The following PHLDB1 variants were observed in gnomAD, a reference collection of about 807,000 sequenced individuals.
The protein encoded by PHLDB1 is pleckstrin homology like domain family B member 1.
PHLDB1 carries 65 observed loss-of-function variants against 139.3 expected under a neutral mutation model. That is an observed-to-expected ratio of 0.47 (90% CI 0.38 to 0.57). PHLDB1 has a LOEUF of 0.57. Ranked by LOEUF, PHLDB1 falls within the 20% of genes least tolerant of loss-of-function variation. The probability of loss-of-function intolerance (pLI) is 0.00; values close to 1 mark genes in which losing one functional copy is unlikely to be tolerated. For synonymous variants in PHLDB1, 679 were observed against 734.5 expected (o/e 0.92, Z 1.22); for missense variants, 1,624 against 1,839.7 (o/e 0.88, Z 2.14).
chr11:118,627,287 C>G lies in PHLDB1; in HGVS notation c.482-18C>G. 6.2e-7 allele frequency: 1 copy of G among 1,612,074 alleles called. No individual in the cohort carries two copies. Among genetic ancestry groups the G allele is most frequent in the Non-Finnish European group, 8.5e-7 (1 of 1,179,460 alleles). On this transcript the variant is annotated intron_variant, in intron 5 of 22. Transcript: ENST00000600882. The stretch of plus-strand genomic sequence containing the variant: ...TATGCAGCTCCCTAAAGTCAAAGAC[C>G]TTTGCATTTCCCTCCAGCAGAATCA...
chr11:118,624,798 C>T (rs761203746), intron 4 of PHLDB1, 136 bp from the exon 5 acceptor site: 105 of 779,638 alleles, frequency 1.3e-4, no homozygotes, highest in Middle Eastern at 3.1e-4. Flanking sequence ...TTAGTAGAGA[C>T]GGGACTTCAC....
intron 15 of PHLDB1, chr11:118,644,805 C>T (rs1947202187): frequency 3.3e-6 from 2 of 612,296 alleles, no homozygotes; most frequent in Non-Finnish European, 5.0e-6. Context: ...CCAGGCTGAG[C>T]TGGGTTGGGG....
chr11:118,609,624 G>A (rs1939778665), intron 1 of PHLDB1, among the ~76,000 whole-genome samples: 1 of 152,128 alleles, frequency 6.6e-6, no homozygotes, highest in African/African-American at 2.4e-5. Flanking sequence ...CAGCTGCCAG[G>A]CTCGGAACGG....
At chr11:118,626,444 C>T (rs1284062915) in intron 5 of PHLDB1, among the ~76,000 whole-genome samples, 1 of 151,940 alleles carries the variant, frequency 6.6e-6, no homozygotes, top group African/African-American at 2.4e-5. Context: ...AGTGCAGTGG[C>T]GCGATCTCGG....
In PHLDB1 at chr11:118,616,190, CA is replaced by C; in HGVS notation, c.335del (p.Gln112ArgfsTer30). ...CACTATTGATGGGCTCCCTGTCCGG[CA>C]GCCTACCCGGCTCACTCAGGGTAAG... ...ACTIDGLPVRQPTRLTQGCML... is the reference protein window; with the variant it reads ...ACTIDGLPVRXPTRLTQGCML... On this transcript the variant is annotated frameshift_variant, in exon 4 of 23. Coordinates refer to ENST00000600882, the MANE Select transcript of PHLDB1 (RefSeq NM_001144758.3). LOFTEE classifies it high-confidence loss of function. 1 of 1,614,004 alleles carries C rather than the reference CA, an allele frequency of 6.2e-7. No individual in the cohort carries two copies. Among genetic ancestry groups the C allele is most frequent in the South Asian group, 1.1e-5 (1 of 91,076 alleles).
At position 118,614,428 on chromosome 11, in the gene PHLDB1, T is replaced by C. The variant is rs957569252; in HGVS notation, c.61-131T>C. 57 of 886,246 alleles carry C rather than the reference T, an allele frequency of 6.4e-5. No homozygotes were observed. In the East Asian group the frequency reaches 1.4e-3, roughly 22 times the overall value. 54.9% of individuals were successfully genotyped at this position (886,246 alleles called of 1,614,324 possible). ...GAATCATGCTCTGTGTAAGATTTTG[T>C]GCTAAGCCTTTCAGCACCCTCAGAG... On this transcript the variant is annotated intron_variant, in intron 2 of 22. Coordinates refer to ENST00000600882, the MANE Select transcript of PHLDB1 (RefSeq NM_001144758.3).
chr11:118,609,030 CCAGT>C (rs1179818192), intron 1 of PHLDB1, among the ~76,000 whole-genome samples: 19 of 145,736 alleles, frequency 1.3e-4, no homozygotes, highest in Admixed American at 2.7e-4. Context: ...CACACACACC[CCAGT>C]CAAACACGAG....
intron 6 of PHLDB1, chr11:118,630,048 CCA>C: frequency 9.0e-7 from 1 of 1,108,338 alleles, no homozygotes; most frequent in African/African-American, 2.0e-5. Flanking sequence ...TTTTTTTTTG[CCA>C]TGGAACTGGG....
intron 1 of PHLDB1, among the ~76,000 whole-genome samples, chr11:118,609,871 C>T (rs1939828596): frequency 6.6e-6 from 1 of 152,136 alleles, no homozygotes; most frequent in Admixed American, 6.5e-5. Flanking sequence ...CGGAGAGGCA[C>T]CTTTCCACCA....
At position 118,627,680 on chromosome 11, in the gene PHLDB1, C is replaced by T; in HGVS notation, c.857C>T (p.Pro286Leu). The part of the protein sequence containing the change: ...EPGPSVPPLV[P>L]ARSSSYHLAL... ...GGACCTTCTGTGCCCCCGCTGGTAC[C>T]TGCCCGTTCCTCCAGCTACCATCTG... Residue 286 changes from proline (P) to leucine (L), a missense_variant, in exon 6 of 23, where the codon CCT (proline) becomes CTT (leucine). Transcript: ENST00000600882. 6.2e-7 allele frequency: 1 copy of T among 1,610,896 alleles called. No homozygotes were observed. Among genetic ancestry groups the T allele is most frequent in the South Asian group, 1.1e-5 (1 of 91,088 alleles).
At position 118,614,540 on chromosome 11, in the gene PHLDB1, C is replaced by T; in HGVS notation, c.61-19C>T. ...TGCTGAATCTAATGATGCTTGTCCT[C>T]CACCCGTACTACCTACAGAAAGGAC... On this transcript the variant is annotated intron_variant, in intron 2 of 22. Coordinates refer to ENST00000600882, the MANE Select transcript of PHLDB1 (RefSeq NM_001144758.3). 1.2e-6 allele frequency: 2 copies of T among 1,613,120 alleles called. No individual in the cohort carries two copies. Among genetic ancestry groups the T allele is most frequent in the Non-Finnish European group, 1.7e-6 (2 of 1,179,474 alleles).
intron 9 of PHLDB1, chr11:118,634,987 T>C (rs782668115): frequency 8.6e-6 from 4 of 463,438 alleles, no homozygotes. Flanking sequence ...TACGCCGAGC[T>C]CCAGACGCAG....
At chr11:118,639,519 T>G in intron 12 of PHLDB1, 7 of 445,730 alleles carry the variant, frequency 1.6e-5, no homozygotes, top group Admixed American at 3.4e-5. Flanking sequence ...CTCAGGGGCC[T>G]GGGTTGGGTG....
intron 9 of PHLDB1, chr11:118,634,767 T>C (rs1945336466): frequency 1.3e-5 from 3 of 235,112 alleles, no homozygotes; most frequent in Non-Finnish European, 1.8e-5. Flanking sequence ...CTAGCCTTTT[T>C]TTCTCCTCTC....
At chr11:118,626,281 A>G (rs1160303549) in intron 5 of PHLDB1, among the ~76,000 whole-genome samples, 49 of 150,176 alleles carry the variant, frequency 3.3e-4, no homozygotes, top group Admixed American at 3.0e-3. Flanking sequence ...TGGTTCCTAC[A>G]TTGGGAGGCC....
chr11:118,639,103 C>T, intron 11 of PHLDB1, 59 bp from the exon 12 acceptor site: 1 of 1,563,234 alleles, frequency 6.4e-7, no homozygotes, highest in Non-Finnish European at 8.8e-7. Flanking sequence ...GCACAGGGCC[C>T]CCCTCACACA....
Position 118,635,520 on chromosome 11 carries a change from A to G in PHLDB1, c.2507A>G (p.Glu836Gly), listed in dbSNP as rs1405823143. 3 of 1,592,766 alleles carry G rather than the reference A, an allele frequency of 1.9e-6. No individual in the cohort carries two copies. The highest frequency in any genetic ancestry group is 4.5e-5 in the East Asian group (2 of 44,148). Residue 836 changes from glutamate (E) to glycine (G), a missense_variant, in exon 10 of 23, where the codon GAG becomes GGG. Physicochemically the swap from Glu to Gly is moderately conservative, Grantham distance 98. Transcript: ENST00000600882. ...AGQGLLRSKA[E>G]LLRSIAKRKE... Reference sequence around the variant, plus strand: ...CAGGGGCTGCTCCGGAGCAAGGCTGAGCTGCTCCGCAGCATCGCCAAGAGG... The same window carrying G: ...CAGGGGCTGCTCCGGAGCAAGGCTGGGCTGCTCCGCAGCATCGCCAAGAGG...
intron 13 of PHLDB1, 129 bp downstream of exon 13, chr11:118,642,523 A>AGAGGTGC: frequency 9.2e-7 from 1 of 1,090,616 alleles, no homozygotes; most frequent in Non-Finnish European, 1.3e-6. Context: ...CAATGAGGGC[A>AGAGGTGC]CCTCTGGGCC....
chr11:118,611,832 A>AAATAATAATAAT lies in PHLDB1; in HGVS notation c.-21-1975_-21-1964dup, dbSNP rs1555084304. On this transcript the variant is annotated intron_variant, in intron 1 of 22. Coordinates refer to ENST00000600882, the MANE Select transcript of PHLDB1 (RefSeq NM_001144758.3). The surrounding 1 kb of genome is among the most constrained non-coding windows in gnomAD (Gnocchi z 4.7). ...AAACTCCGTCTCAAAAAAAAAAAAA[A>AAATAATAATAAT]AATAATAATAATAATAATAAATGGC... Among the ~76,000 whole-genome samples, 3 of 147,086 alleles carry AAATAATAATAAT rather than the reference A, an allele frequency of 2.0e-5. 1 individual carries two copies. Among genetic ancestry groups the AAATAATAATAAT allele is most frequent in the South Asian group, 4.3e-4 (2 of 4,692 alleles).
Sources: gnomAD v4.1 joint callset for allele counts (sites outside exome capture counted in the v4.1 genomes callset) on GRCh38, gnomAD v4.1.1 for gene constraint, Gnocchi (gnomAD v3.1) non-coding constraint, MANE v1.5 for transcripts, NCBI Gene and HGNC (gene_info 2026-07-23, HGNC 2026-07-21) for gene names.